The following UBAC2 variants were observed in gnomAD, a reference collection of about 807,000 sequenced individuals.
The protein encoded by UBAC2 is UBA domain containing 2.
UBAC2 carries 26 observed loss-of-function variants against 44.0 expected under a neutral mutation model. That is an observed-to-expected ratio of 0.59 (90% CI 0.43 to 0.82). UBAC2 has a LOEUF of 0.82. Ranked by LOEUF, UBAC2 falls within the 40% of genes least tolerant of loss-of-function variation. The pLI, the probability that UBAC2 is intolerant of heterozygous loss-of-function variation, is 0.00. For synonymous variants in UBAC2, 155 were observed against 154.3 expected, an observed-to-expected ratio of 1.00 and a Z score of -0.04; for missense variants, 329 against 419.4, an observed-to-expected ratio of 0.78 and a Z score of 1.88.
intron 1 of UBAC2, among the ~76,000 whole-genome samples, chr13:99,212,318 C>T (rs1187529799): frequency 6.6e-6 from 1 of 152,224 alleles, no homozygotes; most frequent in Non-Finnish European, 1.5e-5. Context: ...TTTTAACCCT[C>T]ATTTAAATTA....
intron 7 of UBAC2, among the ~76,000 whole-genome samples, chr13:99,341,917 A>G (rs758284503): frequency 6.6e-6 from 1 of 152,200 alleles, no homozygotes; most frequent in Non-Finnish European, 1.5e-5. Flanking sequence ...TAGATGACTG[A>G]TAGTTCCATT....
intron 8 of UBAC2, 52 bp from the exon 9 acceptor site, chr13:99,385,176 G>GA: frequency 7.4e-7 from 1 of 1,354,968 alleles, no homozygotes. Flanking sequence ...GGGGCCCAGG[G>GA]ATAAGCGGCA....
chr13:99,238,729 A>G (rs1010276627), intron 2 of UBAC2, among the ~76,000 whole-genome samples, 175 bp downstream of exon 2: 1 of 152,092 alleles, frequency 6.6e-6, no homozygotes, highest in Admixed American at 6.5e-5. Context: ...AGCAAAACAG[A>G]TAATAATGAA....
At chr13:99,237,871 C>T (rs898626282) in intron 1 of UBAC2, among the ~76,000 whole-genome samples, 1 of 152,132 alleles carries the variant, frequency 6.6e-6, no homozygotes, top group Non-Finnish European at 1.5e-5. Context: ...AGGAGAATCG[C>T]TTGAACCTGG....
chr13:99,345,684 A>T (rs1243790116), intron 7 of UBAC2, among the ~76,000 whole-genome samples: 3 of 151,664 alleles, frequency 2.0e-5, no homozygotes, highest in Non-Finnish European at 4.4e-5. Flanking sequence ...TGCCTATAGT[A>T]CATCTCCACT....
intron 4 of UBAC2, among the ~76,000 whole-genome samples, chr13:99,287,851 A>G (rs1296295857): frequency 1.3e-5 from 2 of 151,776 alleles, no homozygotes; most frequent in African/African-American, 2.4e-5. Context: ...TTGCTCCCTT[A>G]CTGGGGAAAA....
At chr13:99,210,742 G>A (rs1394993673) in intron 1 of UBAC2, among the ~76,000 whole-genome samples, 1 of 152,072 alleles carries the variant, frequency 6.6e-6, no homozygotes, top group Non-Finnish European at 1.5e-5. Flanking sequence ...CTCCTAAAGT[G>A]CTGGGATTAC....
chr13:99,367,894 T>G lies in UBAC2; in HGVS notation c.915T>G (p.Val305=), dbSNP rs932401104. The change falls in exon 8 of 9, where the codon GTT becomes GTG. Residue 305 remains valine, a synonymous_variant. Transcript: ENST00000403766. Reference sequence around the variant, plus strand: ...AGCCAGCAGCGCCCCCTCTAGAAGTTTCTGAGGAACAGGTAATTAATCAGT... The same window carrying G: ...AGCCAGCAGCGCCCCCTCTAGAAGTGTCTGAGGAACAGGTAATTAATCAGT... ...QSEPAAPPLE[V]SEEQVARLME... The G allele has an allele frequency of 4.3e-6, 7 of 1,613,802 alleles. No homozygotes were observed. Among genetic ancestry groups the G allele is most frequent in the Non-Finnish European group, 5.9e-6 (7 of 1,179,796 alleles).
intron 1 of UBAC2, chr13:99,215,809 C>T (rs369313889): frequency 3.5e-5 from 23 of 665,738 alleles, no homozygotes; most frequent in Middle Eastern, 2.5e-4. Flanking sequence ...TAATCAGACC[C>T]GTGGTGAGAT....
chr13:99,326,213 G>GT (rs763724917), intron 6 of UBAC2, among the ~76,000 whole-genome samples: 51 of 152,018 alleles, frequency 3.4e-4, no homozygotes, highest in Non-Finnish European at 6.2e-4. Flanking sequence ...GGTGTTTTTT[G>GT]TTTTTTTATA....
chr13:99,246,947 A>C (rs2043391166), intron 4 of UBAC2, among the ~76,000 whole-genome samples: 1 of 152,228 alleles, frequency 6.6e-6, no homozygotes, highest in South Asian at 2.1e-4. Flanking sequence ...TTTGGAACAC[A>C]ATTAGTTCAA....
intron 1 of UBAC2, chr13:99,215,668 C>T: frequency 2.1e-6 from 3 of 1,449,760 alleles, no homozygotes; most frequent in Non-Finnish European, 2.8e-6. Flanking sequence ...TGAATACAGC[C>T]CTCTGGGAAC....
In UBAC2 at chr13:99,263,539, G is replaced by A. The variant is rs573925688; in HGVS notation, c.389+18915G>A. The stretch of plus-strand genomic sequence containing the variant: ...AAGGATGTTGAGTGATGAGGGTATC[G>A]AGTAACAAGGAACATTGCTGGTGGG... On this transcript the variant is annotated intron_variant, in intron 4 of 8. Coordinates refer to ENST00000403766, the MANE Select transcript of UBAC2 (RefSeq NM_001144072.2). Among the ~76,000 whole-genome samples the A allele has an allele frequency of 2.6e-5, 4 of 152,276 alleles. No individual in the cohort carries two copies. The South Asian group carries it at 8.3e-4, about 32-fold the overall frequency.
intron 1 of UBAC2, chr13:99,215,528 T>A: frequency 6.8e-7 from 1 of 1,471,732 alleles, no homozygotes; most frequent in African/African-American, 1.4e-5. Flanking sequence ...ACTTTACCTT[T>A]AAGTCTTTTG....
Position 99,374,056 on chromosome 13 carries a change from G to C in UBAC2, c.927+6150G>C, listed in dbSNP as rs148612664. ...CAGAATTACAGCAAATTTAGTGACA[G>C]ATCTATTTGGCTTTTATTTGCAACT... On this transcript the variant is annotated intron_variant, in intron 8 of 8. Transcript: ENST00000403766. Among the ~76,000 whole-genome samples, 56 of 152,348 alleles carry C rather than the reference G, an allele frequency of 3.7e-4. 1 individual carries two copies. The East Asian group carries it at 0.01, about 28-fold the overall frequency.
intron 6 of UBAC2, among the ~76,000 whole-genome samples, chr13:99,335,896 T>C (rs1373797281): frequency 2.0e-5 from 3 of 151,772 alleles, no homozygotes; most frequent in Non-Finnish European, 4.4e-5. Context: ...ACCTCACACC[T>C]GGAATCCCAG....
chr13:99,259,345 C>CTT (rs34537761), intron 4 of UBAC2, among the ~76,000 whole-genome samples: 58 of 141,010 alleles, frequency 4.1e-4, no homozygotes, highest in Admixed American at 1.5e-3. Context: ...GGGGTCCATC[C>CTT]TTTTTTTTTT....
intron 4 of UBAC2, among the ~76,000 whole-genome samples, chr13:99,306,649 A>G (rs1229986977): frequency 2.0e-5 from 3 of 152,200 alleles, no homozygotes; most frequent in Non-Finnish European, 4.4e-5. Context: ...TTGCCAAAGC[A>G]CTGCATAGAA....
intron 7 of UBAC2, among the ~76,000 whole-genome samples, chr13:99,364,573 T>A (rs1043588787): frequency 6.6e-6 from 1 of 152,106 alleles, no homozygotes; most frequent in Admixed American, 6.5e-5. Context: ...TAGAGCAGTT[T>A]ATATAAGATA....
Sources: allele counts gnomAD v4.1 joint callset (sites outside exome capture counted in the v4.1 genomes callset), GRCh38; gene constraint gnomAD v4.1.1; transcripts MANE v1.5; gene names NCBI Gene and HGNC (gene_info 2026-07-23, HGNC 2026-07-21).